Variants in TGFBR2 observed in about 807,000 individuals in gnomAD.
TGFBR2 encodes the protein TGF-beta receptor type-2.
TGFBR2 carries 18 observed loss-of-function variants against 49.0 expected under a neutral mutation model. That is an observed-to-expected ratio of 0.37 (90% CI 0.25 to 0.54). The LOEUF (loss-of-function observed/expected upper bound fraction) is 0.54. Among genes scored for constraint, TGFBR2 ranks in the 20% least tolerant of loss-of-function variants. TGFBR2 has a pLI of 0.85. For missense variants in TGFBR2, 525 were observed against 722.6 expected, an observed-to-expected ratio of 0.73 and a Z score of 3.13; for synonymous variants, 282 against 275.9, an observed-to-expected ratio of 1.02 and a Z score of -0.22.
chr3:30,625,980 C>T (rs1698324614), intron 1 of TGFBR2, among the ~76,000 whole-genome samples: 1 of 152,172 alleles, frequency 6.6e-6, no homozygotes, highest in South Asian at 2.1e-4. Context: ...CTAACCCTGG[C>T]TGCACGTTAG....
In TGFBR2 at chr3:30,606,849, G is replaced by A. The variant is rs1697931442; in HGVS notation, c.-35G>A. The A allele has an allele frequency of 7.3e-7, 1 of 1,362,978 alleles. No individual in the cohort carries two copies. The highest frequency in any genetic ancestry group is 1.7e-5 in the South Asian group (1 of 59,974). The allele number at this position is 1,362,978 out of a possible 1,614,324, so 84.4% of individuals were successfully genotyped here. On this transcript the variant is annotated 5_prime_UTR_variant, in exon 1 of 7. Transcript: ENST00000295754. The stretch of plus-strand genomic sequence containing the variant: ...CCGGGAAGGCGCCGTCCGCTGCGCT[G>A]GGGGCTCGGTCTATGACGAGCAGCG...
At chr3:30,679,870 G>A (rs2125444423) in intron 5 of TGFBR2, among the ~76,000 whole-genome samples, 1 of 152,342 alleles carries the variant, frequency 6.6e-6, no homozygotes. Flanking sequence ...GCTCACGCCT[G>A]TAATCCCAGC....
chr3:30,648,461 C>CACACAA (rs760495841), intron 2 of TGFBR2, among the ~76,000 whole-genome samples: 7 of 79,200 alleles, frequency 8.8e-5, no homozygotes, highest in Non-Finnish European at 1.7e-4. Context: ...CACACACACA[C>CACACAA]AAAACTGTGG....
chr3:30,670,839 T>C (rs569353566), intron 3 of TGFBR2, among the ~76,000 whole-genome samples: 56 of 152,360 alleles, frequency 3.7e-4, no homozygotes, highest in African/African-American at 1.3e-3. Flanking sequence ...TTCAGTTCCA[T>C]GAAACTACAA....
intron 3 of TGFBR2, among the ~76,000 whole-genome samples, chr3:30,651,391 T>C (rs1263655700): frequency 6.6e-6 from 1 of 152,152 alleles, no homozygotes. Context: ...TTCCTTTCTC[T>C]TTCCCTCCTT....
At position 30,657,528 on chromosome 3, in the gene TGFBR2, TC is replaced by T. The variant is rs1283333088; in HGVS notation, c.454+7069del. The stretch of plus-strand genomic sequence containing the variant: ...CTTGGGGTAACTACTTGTTTACCTC[TC>T]TGAAAAATGGGAGTAGAAATAATGA... On this transcript the variant is annotated intron_variant, in intron 3 of 6. Coordinates refer to ENST00000295754, the MANE Select transcript of TGFBR2 (RefSeq NM_003242.6). Among the ~76,000 whole-genome samples the T allele has an allele frequency of 2.6e-5, 4 of 152,328 alleles. No homozygotes were observed. The East Asian group carries it at 5.8e-4, about 22-fold the overall frequency.
intron 5 of TGFBR2, among the ~76,000 whole-genome samples, chr3:30,680,117 TC>T (rs1699513857): frequency 6.7e-6 from 1 of 150,054 alleles, no homozygotes; most frequent in African/African-American, 2.5e-5. Context: ...AGAGCGAGAC[TC>T]CATCCCCCCC....
intron 1 of TGFBR2, among the ~76,000 whole-genome samples, chr3:30,642,230 C>T (rs1382684735): frequency 6.6e-6 from 1 of 151,832 alleles, no homozygotes; most frequent in Non-Finnish European, 1.5e-5. Context: ...ATGTTTTTCA[C>T]AAGGGAACTA....
chr3:30,647,887 C>T (rs1428342562), intron 2 of TGFBR2, among the ~76,000 whole-genome samples: 1 of 151,772 alleles, frequency 6.6e-6, no homozygotes, highest in African/African-American at 2.4e-5. Context: ...CTGTGTTGGC[C>T]AGGCTGGTCT....
At chr3:30,677,152 C>T (rs77843801) in intron 5 of TGFBR2, among the ~76,000 whole-genome samples, 1 of 152,252 alleles carries the variant, frequency 6.6e-6, no homozygotes, top group East Asian at 1.9e-4. Flanking sequence ...TAGGTGAGCT[C>T]CCAGCTTTCA....
chr3:30,662,410 G>C (rs1699149214), intron 3 of TGFBR2, among the ~76,000 whole-genome samples: 1 of 152,144 alleles, frequency 6.6e-6, no homozygotes, highest in African/African-American at 2.4e-5. Context: ...ATAATACAAA[G>C]GAGACTGTGC....
Position 30,672,389 on chromosome 3 carries a change from G to C in TGFBR2, c.1206G>C (p.Leu402=), listed in dbSNP as rs187049329. The change falls in exon 4 of 7, where the codon CTG becomes CTC. Residue 402 remains leucine, a synonymous_variant. Transcript: ENST00000295754. This position sits in a 1 kb window ranked among gnomAD's most constrained non-coding sequence, Gnocchi z 4.5. ...GCCTGTGTGACTTTGGGCTTTCCCTGCGTCTGGACCCTACTCTGTCTGTGG... is the reference window on the plus strand; with the variant it reads ...GCCTGTGTGACTTTGGGCTTTCCCTCCGTCTGGACCCTACTCTGTCTGTGG... ...TCCLCDFGLS[L]RLDPTLSVDD... The C allele has an allele frequency of 6.2e-7, 1 of 1,614,214 alleles. No homozygotes were observed. Among genetic ancestry groups the C allele is most frequent in the Middle Eastern group, 1.6e-4 (1 of 6,062 alleles).
At position 30,677,201 on chromosome 3, in the gene TGFBR2, G is replaced by A. The variant is rs185309048; in HGVS notation, c.1396+2955G>A. 3.0e-3 allele frequency among the ~76,000 whole-genome samples: 450 copies of A among 152,224 alleles called. 1 individual carries two copies. The highest frequency in any genetic ancestry group is 4.0e-3 in the Non-Finnish European group (273 of 68,014). On this transcript the variant is annotated intron_variant, in intron 5 of 6. Transcript: ENST00000295754. ...CTAAAACCCTTGCCTGTTGATATTT[G>A]CTGAGTGTGGAAGAATTTAAGCTAA... is the stretch of plus-strand genomic sequence containing the variant.
chr3:30,693,439 T>G lies in TGFBR2; in HGVS notation c.*1840T>G. ...CAAGTAATCTCTTTTTTAAAACTTTTTGAAGCTACTTATTTTCAGCCAAAT... is the reference window on the plus strand; with the variant it reads ...CAAGTAATCTCTTTTTTAAAACTTTGTGAAGCTACTTATTTTCAGCCAAAT... On this transcript the variant is annotated 3_prime_UTR_variant, in exon 7 of 7. Coordinates refer to ENST00000295754, the MANE Select transcript of TGFBR2 (RefSeq NM_003242.6). The G allele has an allele frequency of 4.3e-6, 1 of 233,740 alleles. No individual in the cohort carries two copies. The highest frequency in any genetic ancestry group is 6.0e-5 in the East Asian group (1 of 16,678). The allele number at this position is 233,740 out of a possible 1,614,324, so 14.5% of individuals were successfully genotyped here. A position where few individuals can be genotyped will look rare whatever the true frequency, so the allele number is the denominator to read the frequency against.
At chr3:30,669,689 G>A (rs1699305384) in intron 3 of TGFBR2, among the ~76,000 whole-genome samples, 2 of 152,298 alleles carry the variant, frequency 1.3e-5, no homozygotes, top group South Asian at 4.1e-4. Flanking sequence ...GAGAAGGGAA[G>A]ATGGAGCTGC....
intron 1 of TGFBR2, among the ~76,000 whole-genome samples, chr3:30,641,817 C>A (rs1413423643): frequency 6.6e-6 from 1 of 152,030 alleles, no homozygotes; most frequent in African/African-American, 2.4e-5. Context: ...CCAGGGGCCC[C>A]GTTACAGTGG....
intron 1 of TGFBR2, among the ~76,000 whole-genome samples, chr3:30,641,294 A>G (rs1698639560): frequency 1.3e-5 from 2 of 152,208 alleles, no homozygotes; most frequent in Non-Finnish European, 1.5e-5. Context: ...GGTTTAGAGT[A>G]GCTTTGCCCT....
rs538699440 is a variant in TGFBR2 at position 30,688,842 on chromosome 3, G to GATTCCCTCTGGA, written c.1524+332_1524+343dup. Among the ~76,000 whole-genome samples the GATTCCCTCTGGA allele has an allele frequency of 8.7e-4, 132 of 152,270 alleles. 1 individual carries two copies. Among genetic ancestry groups the GATTCCCTCTGGA allele is most frequent in the African/African-American group, 3.1e-3 (130 of 41,546 alleles). The stretch of plus-strand genomic sequence containing the variant: ...GCCTTCACGTCAGGAGTTTATATTT[G>GATTCCCTCTGGA]ATTCCCTCTGGATTCCAAATGTTTT... On this transcript the variant is annotated intron_variant, in intron 6 of 6. Transcript: ENST00000295754.
intron 5 of TGFBR2, among the ~76,000 whole-genome samples, chr3:30,684,171 C>A (rs892270015): frequency 3.9e-5 from 6 of 151,958 alleles, no homozygotes; most frequent in South Asian, 2.1e-4. Flanking sequence ...GTTGCCTGAT[C>A]GCTGCAATTG....
Sources: allele counts gnomAD v4.1 joint callset (sites outside exome capture counted in the v4.1 genomes callset), GRCh38; gene constraint gnomAD v4.1.1; non-coding constraint Gnocchi (gnomAD v3.1); transcripts MANE v1.5; gene names NCBI Gene and HGNC (gene_info 2026-07-23, HGNC 2026-07-21).